COL25A1: variants seen among roughly 807,000 people sequenced by gnomAD.
The protein encoded by COL25A1 is collagen type XXV alpha 1 chain, also known as collagen alpha-1(XXV) chain.
A neutral mutation model predicts 128.4 loss-of-function variants in COL25A1; 103 were observed. The observed-to-expected ratio is 0.80, with a 90% CI of 0.68 to 0.94. The LOEUF (loss-of-function observed/expected upper bound fraction) is 0.94. Among genes scored for constraint, COL25A1 ranks in the 40% least tolerant of loss-of-function variants. COL25A1 has a pLI of 0.00. For missense variants in COL25A1, 745 were observed against 840.0 expected (o/e 0.89, Z 1.40); for synonymous variants, 279 against 277.2 (o/e 1.01, Z -0.06).
chr4:109,203,895 G>T (rs955445518), intron 3 of COL25A1, among the ~76,000 whole-genome samples: 1 of 152,078 alleles, frequency 6.6e-6, no homozygotes, highest in African/African-American at 2.4e-5. Context: ...TGCCACAGTT[G>T]GGTCATATTG....
chr4:109,162,830 A>G (rs1049223150), intron 3 of COL25A1, among the ~76,000 whole-genome samples: 2 of 152,180 alleles, frequency 1.3e-5, no homozygotes, highest in African/African-American at 2.4e-5. Context: ...CTGAACATGC[A>G]GAAGAGTTAA....
At chr4:109,170,412 C>T (rs1773477546) in intron 3 of COL25A1, among the ~76,000 whole-genome samples, 1 of 152,158 alleles carries the variant, frequency 6.6e-6, no homozygotes, top group Non-Finnish European at 1.5e-5. Flanking sequence ...ACAATCCACA[C>T]ATCTTTTCAG....
intron 5 of COL25A1, among the ~76,000 whole-genome samples, chr4:109,032,754 T>C (rs533084418): frequency 6.6e-6 from 1 of 152,330 alleles, no homozygotes; most frequent in East Asian, 1.9e-4. Context: ...CTGGCTAAAT[T>C]ACCTCTATTG....
At chr4:109,065,946 C>T (rs1762412323) in intron 3 of COL25A1, among the ~76,000 whole-genome samples, 1 of 152,076 alleles carries the variant, frequency 6.6e-6, no homozygotes, top group Non-Finnish European at 1.5e-5. Context: ...CTTTGGTGAA[C>T]CCACACATGC....
At chr4:108,819,660 AG>A (rs1731588838) in intron 35 of COL25A1, among the ~76,000 whole-genome samples, 1 of 152,198 alleles carries the variant, frequency 6.6e-6, no homozygotes, top group African/African-American at 2.4e-5. Flanking sequence ...GGAACGTATC[AG>A]GATAACTGAT....
At chr4:109,265,109 T>A (rs1781699769) in intron 3 of COL25A1, among the ~76,000 whole-genome samples, 1 of 152,194 alleles carries the variant, frequency 6.6e-6, no homozygotes, top group South Asian at 2.1e-4. Context: ...GCCATGTCAC[T>A]AAGATGGAAA....
chr4:108,943,358 T>G (rs1214855464), intron 8 of COL25A1, among the ~76,000 whole-genome samples: 1 of 152,088 alleles, frequency 6.6e-6, no homozygotes, highest in Non-Finnish European at 1.5e-5. Flanking sequence ...GGAACAAAAT[T>G]TTGCCATCAG....
chr4:108,934,137 T>C (rs1197859220), intron 11 of COL25A1, among the ~76,000 whole-genome samples: 1 of 152,082 alleles, frequency 6.6e-6, no homozygotes, highest in Non-Finnish European at 1.5e-5. Flanking sequence ...ATATACACCA[T>C]GGAATACTAT....
chr4:109,091,046 A>G (rs541501768), intron 3 of COL25A1, among the ~76,000 whole-genome samples: 15 of 152,318 alleles, frequency 9.8e-5, no homozygotes, highest in African/African-American at 3.6e-4. Flanking sequence ...AAATTTGGCA[A>G]CATCTCCTGG....
intron 3 of COL25A1, among the ~76,000 whole-genome samples, chr4:109,080,554 A>G (rs1763751023): frequency 6.6e-6 from 1 of 152,124 alleles, no homozygotes; most frequent in Non-Finnish European, 1.5e-5. Flanking sequence ...AACCCAACAT[A>G]TAGGATTAAT....
chr4:109,252,356 TTA>T (rs1226190038), intron 3 of COL25A1, among the ~76,000 whole-genome samples: 1 of 152,138 alleles, frequency 6.6e-6, no homozygotes, highest in Non-Finnish European at 1.5e-5. Flanking sequence ...AGATCATCCT[TTA>T]TGAGTGGAAG....
intron 3 of COL25A1, among the ~76,000 whole-genome samples, chr4:109,298,193 A>G (rs553229807): frequency 6.6e-6 from 1 of 152,198 alleles, no homozygotes; most frequent in East Asian, 1.9e-4. Context: ...ATCCCCTGCC[A>G]TTAGAAGCCA....
At chr4:108,850,368 A>C (rs1735623574) in intron 26 of COL25A1, among the ~76,000 whole-genome samples, 1 of 151,684 alleles carries the variant, frequency 6.6e-6, no homozygotes, top group African/African-American at 2.4e-5. Flanking sequence ...TCATAGCTAC[A>C]TTCCACCCCA....
At position 109,195,278 on chromosome 4, in the gene COL25A1, A is replaced by G. The variant is rs116033746; in HGVS notation, c.367+105305T>C. 7.1e-3 allele frequency among the ~76,000 whole-genome samples: 1,078 copies of G among 152,218 alleles called. 15 individuals are homozygous for G. The highest frequency in any genetic ancestry group is 0.024 in the African/African-American group (990 of 41,566). On this transcript the variant is annotated intron_variant, in intron 3 of 37. Coordinates refer to ENST00000399132, the MANE Select transcript of COL25A1 (RefSeq NM_198721.4). ...TAGCCAGTTGCCGTAGATGAGCCCA[A>G]TCTAGATCTGCTGACCTCCAGCTGA... is the stretch of plus-strand genomic sequence containing the variant.
rs570359868 is a variant in COL25A1 at position 109,264,335 on chromosome 4, C to T, written c.367+36248G>A. ...TGGTTGGGTTTTATCAGGGATTGCACGGATTTCACTTTAGAAAGAACACTC... is the reference window on the plus strand; with the variant it reads ...TGGTTGGGTTTTATCAGGGATTGCATGGATTTCACTTTAGAAAGAACACTC... On this transcript the variant is annotated intron_variant, in intron 3 of 37. Coordinates refer to ENST00000399132, the MANE Select transcript of COL25A1 (RefSeq NM_198721.4). Among the ~76,000 whole-genome samples, 11 of 152,242 alleles carry T rather than the reference C, an allele frequency of 7.2e-5. No individual in the cohort carries two copies. The South Asian group carries it at 2.3e-3, about 32-fold the overall frequency.
At chr4:109,178,111 A>G (rs904906324) in intron 3 of COL25A1, among the ~76,000 whole-genome samples, 10 of 152,214 alleles carry the variant, frequency 6.6e-5, no homozygotes, top group Non-Finnish European at 1.3e-4. Context: ...ATAAGTTTAA[A>G]TAAGTTTCTT....
chr4:108,935,996 C>T (rs1164591690), intron 11 of COL25A1, among the ~76,000 whole-genome samples: 1 of 151,990 alleles, frequency 6.6e-6, no homozygotes, highest in Non-Finnish European at 1.5e-5. Flanking sequence ...CCTGAGAAGC[C>T]CACATAGCTT....
chr4:108,993,262 T>C (rs1210630511), intron 6 of COL25A1, among the ~76,000 whole-genome samples: 3 of 152,188 alleles, frequency 2.0e-5, no homozygotes, highest in African/African-American at 7.2e-5. Flanking sequence ...TGATTCCACA[T>C]ACGCATGAGA....
intron 3 of COL25A1, among the ~76,000 whole-genome samples, chr4:109,153,724 AC>A (rs1458778088): frequency 2.0e-5 from 3 of 152,240 alleles, no homozygotes; most frequent in African/African-American, 7.2e-5. Context: ...TACTCAACTA[AC>A]ACTGACTTTT....
Sources: gnomAD v4.1 joint callset for allele counts (sites outside exome capture counted in the v4.1 genomes callset) on GRCh38, gnomAD v4.1.1 for gene constraint, MANE v1.5 for transcripts, NCBI Gene and HGNC (gene_info 2026-07-23, HGNC 2026-07-21) for gene names.